The following TRIP4 variants were observed in gnomAD, a reference collection of about 807,000 sequenced individuals.
TRIP4 encodes the protein thyroid hormone receptor interactor 4.
TRIP4 carries 54 observed loss-of-function variants against 81.8 expected under a neutral mutation model. The ratio of observed to expected loss-of-function variants is 0.66; its 90% CI spans 0.53 to 0.83. The LOEUF (loss-of-function observed/expected upper bound fraction) is 0.83. TRIP4 is among the 40% of genes least tolerant of loss of function. The pLI is 0.00. For missense variants in TRIP4, 662 were observed against 683.6 expected (o/e 0.97, Z 0.35); for synonymous variants, 270 against 242.8 (o/e 1.11, Z -1.04).
At chr15:64,435,855 C>A in intron 11 of TRIP4, among the ~76,000 whole-genome samples, 2 of 118,966 alleles carry the variant, frequency 1.7e-5, no homozygotes, top group South Asian at 2.6e-4. Context: ...ACAAGTCCTG[C>A]AGAAGCAATG....
At chr15:64,394,255 G>A in intron 2 of TRIP4, 140 bp downstream of exon 2, 2 of 710,882 alleles carry the variant, frequency 2.8e-6, no homozygotes, top group Non-Finnish European at 4.3e-6. Context: ...CATATTTTTA[G>A]TTCGGTTCTA....
chr15:64,409,959 G>C, intron 7 of TRIP4, 131 bp downstream of exon 7: 2 of 760,406 alleles, frequency 2.6e-6, no homozygotes, highest in Non-Finnish European at 4.0e-6. Flanking sequence ...AACATGTTAA[G>C]AATAGCTAAG....
rs545826333 is a variant in TRIP4 at position 64,406,337 on chromosome 15, G to A, written c.705G>A (p.Glu235=). ...TTCCTTATTGAATTTCAGGAGTGGA[G>A]AATTCTGGAAAGGTGGACATCTCTA... ...KLLKKLMSGV[E]NSGKVDISTK... The change falls in exon 6 of 13, where the codon GAG becomes GAA. Residue 235 remains glutamate, a synonymous_variant. Coordinates refer to ENST00000261884, the MANE Select transcript of TRIP4 (RefSeq NM_016213.5). 9.3e-5 allele frequency: 150 copies of A among 1,613,480 alleles called. 3 individuals are homozygous for A. The South Asian group carries it at 1.6e-3, about 18-fold the overall frequency.
chr15:64,419,893 G>A (rs1214513704), intron 9 of TRIP4, among the ~76,000 whole-genome samples: 2 of 151,672 alleles, frequency 1.3e-5, no homozygotes, highest in African/African-American at 4.8e-5. Context: ...TCGGCTCACT[G>A]CAACCTCTGC....
chr15:64,434,165 C>T (rs1429952370), intron 11 of TRIP4, among the ~76,000 whole-genome samples: 3 of 151,842 alleles, frequency 2.0e-5, no homozygotes, highest in Non-Finnish European at 4.4e-5. Flanking sequence ...TTTGGAAGGC[C>T]GAGGCAGGTG....
chr15:64,427,650 A>G (rs1383944058), intron 11 of TRIP4, among the ~76,000 whole-genome samples: 3 of 152,184 alleles, frequency 2.0e-5, no homozygotes, highest in Non-Finnish European at 2.9e-5. Flanking sequence ...TGCTTTGATT[A>G]TAGGTGTGAG....
chr15:64,420,044 A>C (rs768091602), intron 9 of TRIP4, among the ~76,000 whole-genome samples: 1 of 151,350 alleles, frequency 6.6e-6, no homozygotes, highest in Non-Finnish European at 1.5e-5. Flanking sequence ...TTGAACTCCT[A>C]ACATCGTGAT....
intron 11 of TRIP4, among the ~76,000 whole-genome samples, chr15:64,439,612 C>T (rs773442077): frequency 2.0e-5 from 3 of 147,792 alleles, no homozygotes; most frequent in Non-Finnish European, 4.4e-5. Flanking sequence ...CAACCTCCAC[C>T]TCCCAGGTTC....
At chr15:64,414,880 G>A (rs1446215812) in intron 8 of TRIP4, among the ~76,000 whole-genome samples, 7 of 152,010 alleles carry the variant, frequency 4.6e-5, no homozygotes, top group Admixed American at 4.6e-4. Flanking sequence ...GATTGCTTGA[G>A]CCTGGGAGTT....
At chr15:64,417,024 T>C (rs1891903321) in intron 8 of TRIP4, among the ~76,000 whole-genome samples, 1 of 152,168 alleles carries the variant, frequency 6.6e-6, no homozygotes, top group South Asian at 2.1e-4. Flanking sequence ...TTATTTATTT[T>C]TGAGACAGGA....
intron 5 of TRIP4, among the ~76,000 whole-genome samples, chr15:64,402,852 T>C (rs1337239754): frequency 6.7e-6 from 1 of 150,230 alleles, no homozygotes; most frequent in Non-Finnish European, 1.5e-5. Context: ...TTTATTTATT[T>C]ATTATTTATT....
intron 11 of TRIP4, among the ~76,000 whole-genome samples, chr15:64,442,440 C>G (rs1303990209): frequency 6.6e-6 from 1 of 151,874 alleles, no homozygotes; most frequent in Non-Finnish European, 1.5e-5. Context: ...CTATGCTTGG[C>G]TAATTTTTTT....
intron 5 of TRIP4, among the ~76,000 whole-genome samples, chr15:64,405,415 A>G (rs7169480): frequency 0.74 from 112,928 of 151,854 alleles, 45,475 homozygotes; most frequent in East Asian, 0.96. Flanking sequence ...CAGCCTCCCA[A>G]AGTGCTGGGA....
chr15:64,388,133 T>C (rs1900004589), intron 1 of TRIP4, 169 bp downstream of exon 1: 4 of 1,192,704 alleles, frequency 3.4e-6, no homozygotes, highest in South Asian at 2.6e-5. Flanking sequence ...GTTTAGTTTC[T>C]GGAATAGGGT....
intron 12 of TRIP4, among the ~76,000 whole-genome samples, chr15:64,450,410 A>AAAAAG (rs1566987783): frequency 2.7e-5 from 4 of 150,500 alleles, no homozygotes; most frequent in African/African-American, 4.9e-5. Context: ...AAAAAAAAAA[A>AAAAAG]AAAAGAAAGA....
At chr15:64,432,615 T>C (rs1321084141) in intron 11 of TRIP4, among the ~76,000 whole-genome samples, 1 of 148,188 alleles carries the variant, frequency 6.7e-6, no homozygotes, top group African/African-American at 2.5e-5. Flanking sequence ...GTCTGAAAAA[T>C]AAATAAATAA....
intron 12 of TRIP4, among the ~76,000 whole-genome samples, chr15:64,446,332 A>G (rs1271202711): frequency 2.0e-5 from 3 of 151,328 alleles, no homozygotes; most frequent in African/African-American, 7.3e-5. Flanking sequence ...TAGAGACACC[A>G]CTTCCCACAT....
At chr15:64,446,098 C>T (rs1285635389) in intron 12 of TRIP4, among the ~76,000 whole-genome samples, 3 of 151,880 alleles carry the variant, frequency 2.0e-5, no homozygotes, top group Non-Finnish European at 4.4e-5. Flanking sequence ...CATGGTAAAA[C>T]CCCGTCTCTA....
rs559371819 is a variant in TRIP4 at position 64,395,227 on chromosome 15, G to A, written c.272-171G>A. Reference sequence around the variant, plus strand: ...TTTCATTGACTGCACTCTTGGAAATGATGATTTAAATTTAATTCTGGTTTG... The same window carrying A: ...TTTCATTGACTGCACTCTTGGAAATAATGATTTAAATTTAATTCTGGTTTG... On this transcript the variant is annotated intron_variant, in intron 2 of 12. Coordinates refer to ENST00000261884, the MANE Select transcript of TRIP4 (RefSeq NM_016213.5). Among the ~76,000 whole-genome samples, 9 of 152,280 alleles carry A rather than the reference G, an allele frequency of 5.9e-5. No individual in the cohort carries two copies. In the South Asian group the frequency reaches 1.9e-3, roughly 32 times the overall value.
Sources: gnomAD v4.1 joint callset for allele counts (sites outside exome capture counted in the v4.1 genomes callset) on GRCh38, gnomAD v4.1.1 for gene constraint, MANE v1.5 for transcripts, NCBI Gene and HGNC (gene_info 2026-07-23, HGNC 2026-07-21) for gene names.